PMPCB: variants seen among roughly 807,000 people sequenced by gnomAD.
The protein encoded by PMPCB is mitochondrial-processing peptidase subunit beta.
In PMPCB, 46 loss-of-function variants were observed where a neutral mutation model predicts 61.5. The observed-to-expected ratio is 0.75, with a 90% CI of 0.59 to 0.96. PMPCB has a LOEUF of 0.96. PMPCB is among the 40% of genes least tolerant of loss of function. The probability of loss-of-function intolerance (pLI) is 0.00; values close to 1 mark genes in which losing one functional copy is unlikely to be tolerated. For missense variants in PMPCB, 590 were observed against 602.4 expected (o/e 0.98, Z 0.22); for synonymous variants, 191 against 201.6 (o/e 0.95, Z 0.44).
intron 12 of PMPCB, chr7:103,326,549 T>C (rs756865722): frequency 1.2e-6 from 2 of 1,613,922 alleles, no homozygotes; most frequent in Non-Finnish European, 8.5e-7. Context: ...TTACCTGGAA[T>C]TCCTTTCAAA....
chr7:103,321,449 C>T (rs796085725), intron 12 of PMPCB, among the ~76,000 whole-genome samples: 4 of 150,392 alleles, frequency 2.7e-5, no homozygotes, highest in Admixed American at 1.3e-4. Context: ...ACCCAGGAGG[C>T]GGGGGTTGCA....
At chr7:103,336,788 C>T in the PMPCB span, 1 of 152,188 alleles carries the variant, frequency 6.6e-6, no homozygotes, top group Non-Finnish European at 1.5e-5. Flanking sequence ...TTAAACAAAT[C>T]CAGTTTAAAA....
chr7:103,307,581 TTTC>T lies in PMPCB; in HGVS notation c.737-12_737-10del. 6.8e-7 allele frequency: 1 copy of T among 1,479,692 alleles called. No individual in the cohort carries two copies. The highest frequency in any genetic ancestry group is 9.5e-7 in the Non-Finnish European group (1 of 1,057,470). 91.7% of individuals were successfully genotyped at this position (1,479,692 alleles called of 1,614,324 possible). ...TGCTGCTAGATACATGTGAAAATAT[TTTC>T]TTTCAATTTAGGTGTTTCCCATGAT... On this transcript the variant is annotated splice_polypyrimidine_tract_variant and intron_variant, in intron 6 of 12. Coordinates refer to ENST00000249269, the MANE Select transcript of PMPCB (RefSeq NM_004279.3).
At chr7:103,298,080 C>T (rs1237722687) in intron 1 of PMPCB, 1 of 395,402 alleles carries the variant, frequency 2.5e-6, no homozygotes, top group Non-Finnish European at 4.0e-6. Flanking sequence ...GGCCGAAAAG[C>T]CAGTCATTTG....
downstream of PMPCB, chr7:103,316,272 T>G: frequency 2.4e-6 from 1 of 417,738 alleles, no homozygotes. Context: ...GCTTTTCATG[T>G]GTTTAAATCA....
the PMPCB span, among the ~76,000 whole-genome samples, chr7:103,340,244 A>C: frequency 1.3e-5 from 2 of 152,056 alleles, no homozygotes; most frequent in African/African-American, 4.8e-5. Flanking sequence ...TTTTCTTTCT[A>C]CTTCTGTCAC....
chr7:103,313,602 C>T lies in PMPCB; in HGVS notation c.*1331C>T, dbSNP rs1171081679. 17 of 983,064 alleles carry T rather than the reference C, an allele frequency of 1.7e-5. No homozygotes were observed. Among genetic ancestry groups the T allele is most frequent in the Non-Finnish European group, 2.1e-5 (17 of 827,836 alleles). 60.9% of individuals were successfully genotyped at this position (983,064 alleles called of 1,614,324 possible). On this transcript the variant is annotated 3_prime_UTR_variant, in exon 13 of 13. Coordinates refer to ENST00000249269, the MANE Select transcript of PMPCB (RefSeq NM_004279.3). ...ACCTAGCAAAATTAAGCCAAGTGCC[C>T]AAGGTACCAGTGCTGGAGAGGCAAG... is the stretch of plus-strand genomic sequence containing the variant.
downstream of PMPCB, chr7:103,316,496 A>T (rs1193929325): frequency 4.3e-6 from 1 of 233,732 alleles, no homozygotes; most frequent in Non-Finnish European, 8.2e-6. Context: ...TGAGGTGGGA[A>T]AAAACAAAGA....
intron 6 of PMPCB, 111 bp downstream of exon 6, chr7:103,304,601 A>G: frequency 1.3e-6 from 1 of 756,482 alleles, no homozygotes; most frequent in South Asian, 1.4e-5. Context: ...TACATAGCAA[A>G]TAACTGATAG....
chr7:103,315,285 C>T (rs540523919), downstream of PMPCB, among the ~76,000 whole-genome samples: 1 of 152,058 alleles, frequency 6.6e-6, no homozygotes, highest in South Asian at 2.1e-4. Flanking sequence ...ACTCTGCCTA[C>T]ATTCCCCAAA....
rs771850535 is a variant in PMPCB at position 103,298,664 on chromosome 7, G to A, written c.196G>A (p.Gly66Arg). The change falls in exon 2 of 13, where the codon GGA becomes AGA. Residue 66 changes from glycine to arginine, a missense_variant. Physicochemically the swap from Gly to Arg is moderately radical, Grantham distance 125. Transcript: ENST00000249269. ...AACAAGAGTAACATGTTTAGAAAGT[G>A]GACTCAGAGTAGCTTCGGAAGACTC... ...PETRVTCLES[G>R]LRVASEDSGL... The A allele has an allele frequency of 4.8e-5, 78 of 1,613,992 alleles. No individual in the cohort carries two copies. Among genetic ancestry groups the A allele is most frequent in the Non-Finnish European group, 6.4e-5 (76 of 1,179,968 alleles).
downstream of PMPCB, chr7:103,316,286 ATAATCT>A (rs2115786744): frequency 7.5e-6 from 3 of 399,388 alleles, no homozygotes; most frequent in East Asian, 1.1e-4. Flanking sequence ...TAAATCAACG[ATAATCT>A]TGGTTTTAAG....
downstream of PMPCB, among the ~76,000 whole-genome samples, chr7:103,318,295 A>G (rs984481989): frequency 3.3e-5 from 5 of 152,130 alleles, no homozygotes; most frequent in African/African-American, 1.2e-4. Context: ...CCTCCTGAGA[A>G]GTTGGGACTA....
At chr7:103,318,742 CTT>C (rs1554565702), downstream of PMPCB, among the ~76,000 whole-genome samples, 2 of 152,102 alleles carry the variant, frequency 1.3e-5, no homozygotes, top group Non-Finnish European at 2.9e-5. Flanking sequence ...ACAAAGATCT[CTT>C]TTGGTTCTAA....
At chr7:103,326,747 C>T (rs925101966) in intron 12 of PMPCB, 5 of 1,468,616 alleles carry the variant, frequency 3.4e-6, no homozygotes, top group Non-Finnish European at 4.6e-6. Context: ...TGCAAGAAAA[C>T]AAGTATTTCC....
chr7:103,298,734 A>G (rs771765080), intron 2 of PMPCB, 26 bp downstream of exon 2: 1 of 1,600,902 alleles, frequency 6.2e-7, no homozygotes, highest in Non-Finnish European at 8.5e-7. Context: ...AACCTTCTCT[A>G]AGTGACCCTT....
At chr7:103,325,639 C>T (rs1348505999) in intron 12 of PMPCB, among the ~76,000 whole-genome samples, 1 of 152,162 alleles carries the variant, frequency 6.6e-6, no homozygotes, top group African/African-American at 2.4e-5. Context: ...ACTCAGGCAT[C>T]AGGAGTTCTT....
chr7:103,315,088 C>T (rs1476450400), downstream of PMPCB, among the ~76,000 whole-genome samples: 1 of 151,972 alleles, frequency 6.6e-6, no homozygotes, highest in Admixed American at 6.6e-5. Context: ...ACTTCATGAC[C>T]CAGTGATGGG....
chr7:103,298,680 C>T lies in PMPCB; in HGVS notation c.212C>T (p.Ser71Leu), dbSNP rs139269263. The T allele has an allele frequency of 5.9e-5, 96 of 1,614,080 alleles. No individual in the cohort carries two copies. The highest frequency in any genetic ancestry group is 1.6e-4 in the Middle Eastern group (1 of 6,062). ...TTAGAAAGTGGACTCAGAGTAGCTTCGGAAGACTCTGGGCTCTCAACATGC... is the reference window on the plus strand; with the variant it reads ...TTAGAAAGTGGACTCAGAGTAGCTTTGGAAGACTCTGGGCTCTCAACATGC... The part of the protein sequence containing the change: ...TCLESGLRVA[S>L]EDSGLSTCTV... The change falls in exon 2 of 13, where the codon TCG becomes TTG. Residue 71 changes from serine (S) to leucine (L), a missense_variant. By Grantham distance (145) the Ser-to-Leu change is moderately radical. Coordinates refer to ENST00000249269, the MANE Select transcript of PMPCB (RefSeq NM_004279.3).
Sources: gnomAD v4.1 joint callset for allele counts (sites outside exome capture counted in the v4.1 genomes callset) on GRCh38, gnomAD v4.1.1 for gene constraint, MANE v1.5 for transcripts, NCBI Gene and HGNC (gene_info 2026-07-23, HGNC 2026-07-21) for gene names.